The following BBS9 variants were observed in gnomAD, a reference collection of about 807,000 sequenced individuals.
BBS9 encodes Bardet-Biedl syndrome 9.
BBS9 carries 89 observed loss-of-function variants against 117.7 expected under a neutral mutation model. The observed-to-expected ratio is 0.76, with a 90% CI of 0.64 to 0.90. The LOEUF is 0.90. BBS9 is among the 40% of genes least tolerant of loss of function. The probability of loss-of-function intolerance (pLI) is 0.00; values close to 1 mark genes in which losing one functional copy is unlikely to be tolerated. For missense variants in BBS9, 982 were observed against 1,042.2 expected (o/e 0.94, Z 0.80); for synonymous variants, 379 against 370.9 (o/e 1.02, Z -0.25).
At chr7:33,611,299 C>A (rs948969533) in intron 21 of BBS9, among the ~76,000 whole-genome samples, 9 of 151,668 alleles carry the variant, frequency 5.9e-5, no homozygotes, top group Admixed American at 5.3e-4. Flanking sequence ...GAACTAAATT[C>A]TTTTATGTAA....
chr7:33,544,166 G>T (rs753468488), intron 21 of BBS9, among the ~76,000 whole-genome samples: 2 of 152,090 alleles, frequency 1.3e-5, no homozygotes, highest in Non-Finnish European at 2.9e-5. Context: ...TCCCTGATTA[G>T]CTTAATAACT....
Position 33,605,567 on chromosome 7 carries a change from A to G in BBS9, c.*341A>G, listed in dbSNP as rs1864474698. 6.3e-6 allele frequency: 2 copies of G among 319,110 alleles called. No homozygotes were observed. Among genetic ancestry groups the G allele is most frequent in the South Asian group, 8.1e-5 (2 of 24,656 alleles). 19.8% of individuals were successfully genotyped at this position (319,110 alleles called of 1,614,324 possible). A position where few individuals can be genotyped will look rare whatever the true frequency, so the allele number is the denominator to read the frequency against. On this transcript the variant is annotated 3_prime_UTR_variant, in exon 23 of 23. Coordinates refer to ENST00000242067, the MANE Select transcript of BBS9 (RefSeq NM_198428.3). ...CAGATCCAAAATAATTTCATACCCC[A>G]TTTTTTCACAGAATTCTTATATAGT...
intron 21 of BBS9, among the ~76,000 whole-genome samples, chr7:33,602,940 A>C (rs1359972162): frequency 6.6e-6 from 1 of 152,150 alleles, no homozygotes; most frequent in African/African-American, 2.4e-5. Flanking sequence ...ATTGTTGATA[A>C]TCTATAGCAA....
At chr7:33,217,035 C>T (rs183318767) in intron 5 of BBS9, among the ~76,000 whole-genome samples, 78 of 152,234 alleles carry the variant, frequency 5.1e-4, no homozygotes, top group African/African-American at 1.8e-3. Flanking sequence ...GTGGAGGTTG[C>T]AGTGAGCTGA....
chr7:33,275,618 T>C (rs1376885254), intron 9 of BBS9, among the ~76,000 whole-genome samples: 1 of 152,244 alleles, frequency 6.6e-6, no homozygotes, highest in Non-Finnish European at 1.5e-5. Flanking sequence ...CAGGAGCCAA[T>C]ATCTTGAAAT....
At chr7:33,414,820 C>T (rs1458015762) in intron 19 of BBS9, among the ~76,000 whole-genome samples, 2 of 147,778 alleles carry the variant, frequency 1.4e-5, no homozygotes, top group Admixed American at 6.9e-5. Context: ...GATGTTGGGC[C>T]AGGTTCTGTG....
chr7:33,326,824 T>C (rs562897739), intron 9 of BBS9, among the ~76,000 whole-genome samples: 1 of 151,970 alleles, frequency 6.6e-6, no homozygotes, highest in Non-Finnish European at 1.5e-5. Context: ...GCTCAGTGCC[T>C]TATTCTACTG....
chr7:33,448,302 A>G (rs536101412), intron 19 of BBS9, among the ~76,000 whole-genome samples: 15 of 152,070 alleles, frequency 9.9e-5, no homozygotes, highest in South Asian at 8.3e-4. Flanking sequence ...TGTATATTCT[A>G]TTGGGCTTGG....
At chr7:33,482,715 CTG>C (rs1285717066) in intron 19 of BBS9, among the ~76,000 whole-genome samples, 1 of 152,118 alleles carries the variant, frequency 6.6e-6, no homozygotes, top group East Asian at 1.9e-4. Context: ...GGTATTAAAT[CTG>C]TAACTTTCCA....
intron 21 of BBS9, among the ~76,000 whole-genome samples, chr7:33,570,228 CAAG>C (rs1220338428): frequency 6.6e-6 from 1 of 152,034 alleles, no homozygotes; most frequent in East Asian, 1.9e-4. Flanking sequence ...AGGGCAGACT[CAAG>C]AAAACACAAG....
chr7:33,353,001 T>C, intron 15 of BBS9, 128 bp downstream of exon 15: 2 of 935,612 alleles, frequency 2.1e-6, no homozygotes, highest in Non-Finnish European at 3.3e-6. Flanking sequence ...TTCTTTAGGA[T>C]GATACAGTGC....
chr7:33,602,923 T>C (rs1864018316), intron 21 of BBS9, among the ~76,000 whole-genome samples: 1 of 152,098 alleles, frequency 6.6e-6, no homozygotes, highest in Non-Finnish European at 1.5e-5. Context: ...GAGAGGAAAT[T>C]ACGTTCATTG....
intron 21 of BBS9, among the ~76,000 whole-genome samples, chr7:33,562,868 G>A (rs1020059444): frequency 6.6e-6 from 1 of 152,060 alleles, no homozygotes; most frequent in African/African-American, 2.4e-5. Flanking sequence ...AAGTCGTAGT[G>A]AGCCGGGATT....
chr7:33,541,340 AC>A (rs1338870992), intron 21 of BBS9, among the ~76,000 whole-genome samples: 2 of 151,948 alleles, frequency 1.3e-5, no homozygotes, highest in African/African-American at 4.8e-5. Context: ...TGATGATGCT[AC>A]CTCCCAAATA....
intron 5 of BBS9, among the ~76,000 whole-genome samples, chr7:33,256,896 A>ATGTATCAGTTTTCTATGATAAAC (rs1024139337): frequency 6.6e-5 from 10 of 152,118 alleles, no homozygotes; most frequent in African/African-American, 9.7e-5. Context: ...TATGTTTTCT[A>ATGTATCAGTTTTCTATGATAAAC]TGTATCAGTT....
intron 19 of BBS9, among the ~76,000 whole-genome samples, chr7:33,403,418 A>C (rs1045875828): frequency 1.5e-4 from 22 of 147,002 alleles, no homozygotes; most frequent in Non-Finnish European, 1.5e-5. Flanking sequence ...GCACCCATTA[A>C]CTCGTCATTT....
chr7:33,353,375 A>T (rs1280539344), intron 15 of BBS9, among the ~76,000 whole-genome samples: 1 of 151,842 alleles, frequency 6.6e-6, no homozygotes, highest in Non-Finnish European at 1.5e-5. Context: ...CAAACATCTG[A>T]CTCCCTCTAA....
intron 19 of BBS9, among the ~76,000 whole-genome samples, chr7:33,433,990 T>G (rs935754762): frequency 1.3e-5 from 2 of 152,096 alleles, no homozygotes; most frequent in Non-Finnish European, 2.9e-5. Flanking sequence ...ATATGATGCA[T>G]ATTTTGCCGT....
chr7:33,484,355 A>T (rs1165288805), intron 19 of BBS9, among the ~76,000 whole-genome samples: 1 of 152,244 alleles, frequency 6.6e-6, no homozygotes, highest in Non-Finnish European at 1.5e-5. Flanking sequence ...CAGATGTAGA[A>T]TATGACCTCT....
Sources: gnomAD v4.1 joint callset for allele counts (sites outside exome capture counted in the v4.1 genomes callset) on GRCh38, gnomAD v4.1.1 for gene constraint, MANE v1.5 for transcripts, NCBI Gene and HGNC (gene_info 2026-07-23, HGNC 2026-07-21) for gene names.